MMD2: variants seen among roughly 807,000 people sequenced by gnomAD.
MMD2 encodes the protein monocyte to macrophage differentiation factor 2.
In MMD2, 30 loss-of-function variants were observed where a neutral mutation model predicts 33.5. That is an observed-to-expected ratio of 0.90 (90% CI 0.67 to 1.22). MMD2 has a LOEUF of 1.22. Among genes scored for constraint, MMD2 ranks in the 50% most tolerant of loss-of-function variants. The pLI is 0.00. For synonymous variants in MMD2, 129 were observed against 123.0 expected (o/e 1.05, Z -0.32); for missense variants, 364 against 325.4 (o/e 1.12, Z -0.91).
Position 4,925,473 on chromosome 7 carries a change from G to T in MMD2, c.107C>A (p.Ala36Glu). 1 of 1,564,120 alleles carries T rather than the reference G, an allele frequency of 6.4e-7. No individual in the cohort carries two copies. The highest frequency in any genetic ancestry group is 8.7e-7 in the Non-Finnish European group (1 of 1,151,894). ...CACAGCATGGGTGGCACAGTTGGCC[G>T]CATGTTCATACTCTGTGGGCTGGTA... Reference protein sequence around the residue: ...KRYQPTEYEHAANCATHAFWI... With the variant: ...KRYQPTEYEHEANCATHAFWI... Residue 36 changes from alanine (A) to glutamate (E), a missense_variant, in exon 2 of 7, where the codon GCG (alanine) becomes GAG (glutamate). By Grantham distance (107) the Ala-to-Glu change is moderately radical. Coordinates refer to ENST00000401401, the MANE Select transcript of MMD2 (RefSeq NM_198403.4).
intron 1 of MMD2, among the ~76,000 whole-genome samples, chr7:4,949,158 C>A (rs549723813): frequency 1.3e-3 from 194 of 151,614 alleles, no homozygotes; most frequent in Non-Finnish European, 2.3e-3. Context: ...TGCAGTGAGC[C>A]GAGATCACAC....
At chr7:4,893,092 G>A in the MMD2 span, among the ~76,000 whole-genome samples, 4 of 152,098 alleles carry the variant, frequency 2.6e-5, no homozygotes, top group African/African-American at 9.7e-5. Context: ...AAGAGGAGTG[G>A]ATGTACCTCT....
intron 1 of MMD2, among the ~76,000 whole-genome samples, chr7:4,954,708 C>G (rs1786338469): frequency 6.6e-6 from 1 of 152,212 alleles, no homozygotes; most frequent in South Asian, 2.1e-4. Context: ...CATAAGCCAC[C>G]TTGCCCGGCT....
the MMD2 span, among the ~76,000 whole-genome samples, chr7:4,892,371 T>C: frequency 1.1e-4 from 16 of 152,200 alleles, no homozygotes; most frequent in East Asian, 2.9e-3. Flanking sequence ...GCAGATCACC[T>C]GAGGTCAGGA....
At chr7:4,908,748 T>C (rs1784930430) in intron 6 of MMD2, among the ~76,000 whole-genome samples, 1 of 151,478 alleles carries the variant, frequency 6.6e-6, no homozygotes, top group Non-Finnish European at 1.5e-5. Context: ...AATACAATAA[T>C]TAGCCGAGAG....
intron 6 of MMD2, among the ~76,000 whole-genome samples, chr7:4,909,217 G>A (rs899387355): frequency 4.0e-5 from 6 of 151,892 alleles, no homozygotes; most frequent in Admixed American, 6.6e-5. Context: ...CGCAGGGCAC[G>A]GTAGCTCATG....
chr7:4,893,963 C>T, the MMD2 span, among the ~76,000 whole-genome samples: 1 of 152,122 alleles, frequency 6.6e-6, no homozygotes, highest in Admixed American at 6.6e-5. Flanking sequence ...GGCTTCTTTA[C>T]CACACCCTGT....
At position 4,941,442 on chromosome 7, in the gene MMD2, C is replaced by A. The variant is rs188138817; in HGVS notation, c.48-15910G>T. ...GCCAGGAATTCAAGACCAGCCTGGC[C>A]AACATGGCGAAACCCTGTCTCTACT... On this transcript the variant is annotated intron_variant, in intron 1 of 6. Coordinates refer to ENST00000401401, the MANE Select transcript of MMD2 (RefSeq NM_198403.4). Among the ~76,000 whole-genome samples the A allele has an allele frequency of 1.1e-3, 173 of 152,246 alleles. 1 individual carries two copies. The highest frequency in any genetic ancestry group is 3.6e-3 in the African/African-American group (150 of 41,564).
At chr7:4,934,224 C>A (rs1486252390) in intron 1 of MMD2, among the ~76,000 whole-genome samples, 4 of 152,058 alleles carry the variant, frequency 2.6e-5, no homozygotes, top group Non-Finnish European at 5.9e-5. Flanking sequence ...GCCACTATGC[C>A]CGGCCCACAA....
At chr7:4,898,081 G>C in the MMD2 span, among the ~76,000 whole-genome samples, 43 of 152,198 alleles carry the variant, frequency 2.8e-4, no homozygotes, top group African/African-American at 9.9e-4. Flanking sequence ...CCTAATGCTG[G>C]CTTAAGTTCA....
intron 1 of MMD2, among the ~76,000 whole-genome samples, chr7:4,927,085 G>A (rs1785450970): frequency 6.6e-6 from 1 of 152,058 alleles, no homozygotes; most frequent in South Asian, 2.1e-4. Context: ...TCCACTGGGT[G>A]AACAGACCAC....
At chr7:4,949,748 C>T (rs1031887939) in intron 1 of MMD2, among the ~76,000 whole-genome samples, 6 of 152,012 alleles carry the variant, frequency 3.9e-5, no homozygotes, top group Non-Finnish European at 7.4e-5. Flanking sequence ...CTGATCCACC[C>T]GCCTCAGCCT....
At chr7:4,926,669 G>C (rs2115114821) in intron 1 of MMD2, among the ~76,000 whole-genome samples, 1 of 152,226 alleles carries the variant, frequency 6.6e-6, no homozygotes, top group Middle Eastern at 3.4e-3. Context: ...TTTTCTGTCT[G>C]GCTTCTTTTG....
intron 1 of MMD2, among the ~76,000 whole-genome samples, chr7:4,938,047 T>C (rs1785798494): frequency 6.8e-6 from 1 of 147,050 alleles, no homozygotes; most frequent in Admixed American, 6.8e-5. Context: ...GTTTTGCTCT[T>C]GTTGCCCAGG....
chr7:4,916,128 G>A (rs1785136494), intron 3 of MMD2, 49 bp from the exon 4 acceptor site: 1 of 1,559,224 alleles, frequency 6.4e-7, no homozygotes, highest in African/African-American at 1.4e-5. Flanking sequence ...CAGCAGGGAA[G>A]GGCCAGTGCC....
chr7:4,941,352 G>A (rs1002344323), intron 1 of MMD2, among the ~76,000 whole-genome samples: 1 of 152,176 alleles, frequency 6.6e-6, no homozygotes, highest in African/African-American at 2.4e-5. Flanking sequence ...ACTTCTGACC[G>A]GGCGCGGTGG....
chr7:4,917,019 C>T (rs553209684), intron 3 of MMD2, among the ~76,000 whole-genome samples: 1 of 152,196 alleles, frequency 6.6e-6, no homozygotes, highest in South Asian at 2.1e-4. Flanking sequence ...CTGCAGTGAG[C>T]CATGTTTGTG....
At position 4,906,362 on chromosome 7, in the gene MMD2, T is replaced by C. The variant is rs1784867312; in HGVS notation, c.*1034A>G. 2.5e-6 allele frequency: 1 copy of C among 396,530 alleles called. No individual in the cohort carries two copies. The highest frequency in any genetic ancestry group is 4.4e-6 in the Non-Finnish European group (1 of 225,002). The allele number at this position is 396,530 out of a possible 1,614,324, so 24.6% of individuals were successfully genotyped here. A position where few individuals can be genotyped will look rare whatever the true frequency, so the allele number is the denominator to read the frequency against. The stretch of plus-strand genomic sequence containing the variant: ...GAGGACCTGGAACAGTCGCCCCAGA[T>C]CCATGTGCCTTCTGTTTGGGGTACA... On this transcript the variant is annotated 3_prime_UTR_variant, in exon 7 of 7. Transcript: ENST00000401401.
chr7:4,892,519 C>G, the MMD2 span, among the ~76,000 whole-genome samples: 5 of 151,276 alleles, frequency 3.3e-5, no homozygotes. Context: ...ACCTGGGAGA[C>G]AGAGGATGCA....
Sources: gnomAD v4.1 joint callset for allele counts (sites outside exome capture counted in the v4.1 genomes callset) on GRCh38, gnomAD v4.1.1 for gene constraint, MANE v1.5 for transcripts, NCBI Gene and HGNC (gene_info 2026-07-23, HGNC 2026-07-21) for gene names.